The following NTRK3 variants were observed in gnomAD, a reference collection of about 807,000 sequenced individuals.
NTRK3 encodes neurotrophic receptor tyrosine kinase 3.
In NTRK3, 24 loss-of-function variants were observed where a neutral mutation model predicts 91.7. That is an observed-to-expected ratio of 0.26 (90% CI 0.19 to 0.37). The LOEUF (loss-of-function observed/expected upper bound fraction) is 0.37, where lower values mean the gene tolerates loss of function less well. Ranked by LOEUF, NTRK3 falls within the 10% of genes least tolerant of loss-of-function variation. The probability of loss-of-function intolerance (pLI) is 1.00; values close to 1 mark genes in which losing one functional copy is unlikely to be tolerated. For missense variants in NTRK3, 880 were observed against 1,068.9 expected (o/e 0.82, Z 2.46); for synonymous variants, 483 against 404.0 (o/e 1.20, Z -2.34).
rs117823522 is a variant in NTRK3, at chr15:88,190,119, C to T, written c.249-5820G>A. ...GGACTTAGGAACATCCTTCCTTTCT[C>T]GACAGGTAGCAGGCCCAGTATTGCC... On this transcript the variant is annotated intron_variant, in intron 3 of 18. Transcript: ENST00000394480. 2.2e-3 allele frequency among the ~76,000 whole-genome samples: 335 copies of T among 152,216 alleles called. 1 individual carries two copies. The highest frequency in any genetic ancestry group is 4.1e-3 in the Non-Finnish European group (282 of 68,010).
At position 88,096,744 on chromosome 15, in the gene NTRK3, C is replaced by T. The variant is rs2049646540; in HGVS notation, c.1396+29527G>A. ...GTGGAGAGCAACTTTGAGGCAGGTG[C>T]CACCCAGTTTCTCAGACGGTCCCCA... On this transcript the variant is annotated intron_variant, in intron 13 of 18. Coordinates refer to ENST00000394480, the Ensembl canonical transcript of NTRK3. Among the ~76,000 whole-genome samples the T allele has an allele frequency of 5.9e-5, 9 of 152,192 alleles. No individual in the cohort carries two copies. In the South Asian group the frequency reaches 1.5e-3, roughly 25 times the overall value.
exon 2 of NTRK3, chr15:88,256,454 T>A (rs1199392184): frequency 1.9e-5 from 10 of 529,060 alleles, no homozygotes; most frequent in Non-Finnish European, 3.3e-5. Context: ...GTCCGGGGGC[T>A]CTGGAAGCGA....
rs78579155 is a variant in NTRK3 at position 88,195,032 on chromosome 15, G to A, written c.249-10733C>T. ...TAGTGCTCATGCTCAAGTCAGGGGC[G>A]GACTGTGCCCCCCAGGCTTGGGTTG... is the stretch of plus-strand genomic sequence containing the variant. On this transcript the variant is annotated intron_variant, in intron 3 of 18. Coordinates refer to ENST00000394480, the Ensembl canonical transcript of NTRK3. Among the ~76,000 whole-genome samples, 55 of 152,284 alleles carry A rather than the reference G, an allele frequency of 3.6e-4. No individual in the cohort carries two copies. The East Asian group carries it at 6.2e-3, about 17-fold the overall frequency.
At chr15:87,923,957 T>C (rs1406969333) in intron 17 of NTRK3, among the ~76,000 whole-genome samples, 3 of 152,184 alleles carry the variant, frequency 2.0e-5, no homozygotes, top group African/African-American at 7.2e-5. Context: ...GATCTTGAAC[T>C]GCCTAGCCTC....
chr15:88,007,017 C>G (rs571615524), intron 14 of NTRK3, among the ~76,000 whole-genome samples: 12 of 152,216 alleles, frequency 7.9e-5, no homozygotes, highest in Non-Finnish European at 1.6e-4. Context: ...ACTGACACCA[C>G]ATGAGGACAA....
rs2141953490 is a variant in NTRK3, at chr15:87,933,001, T to C, written c.1889+11A>G. On this transcript the variant is annotated intron_variant, in intron 16 of 18. Transcript: ENST00000394480. ...TGGGGTCAGGTGCAGGGGAAGACAA[T>C]CCTTGCTTACCTGAGGAACTTATTC... is the stretch of plus-strand genomic sequence containing the variant. The C allele has an allele frequency of 6.2e-7, 1 of 1,613,856 alleles. No individual in the cohort carries two copies. Among genetic ancestry groups the C allele is most frequent in the Non-Finnish European group, 8.5e-7 (1 of 1,179,980 alleles).
intron 14 of NTRK3, among the ~76,000 whole-genome samples, chr15:87,984,444 C>T (rs577236360): frequency 3.3e-5 from 5 of 152,302 alleles, no homozygotes; most frequent in African/African-American, 7.2e-5. Flanking sequence ...GTGTAGTTAT[C>T]GCTTTTTTGA....
In NTRK3 at chr15:88,255,825, G is replaced by A; in HGVS notation, c.248+81C>T. 1.5e-6 allele frequency: 2 copies of A among 1,294,358 alleles called. No homozygotes were observed. Among genetic ancestry groups the A allele is most frequent in the Non-Finnish European group, 1.0e-6 (1 of 984,504 alleles). The allele number at this position is 1,294,358 out of a possible 1,614,324, so 80.2% of individuals were successfully genotyped here. On this transcript the variant is annotated intron_variant, in intron 3 of 18. Transcript: ENST00000394480. The surrounding 1 kb of genome is among the most constrained non-coding windows in gnomAD (Gnocchi z 4.3). ...CAGCGGCGAGCTGGGGCGGGCGGAG[G>A]GCCGGCTCCCGGCCGCGGGTGGGCA...
chr15:87,908,840 C>T (rs556487713), intron 17 of NTRK3, among the ~76,000 whole-genome samples: 1 of 152,044 alleles, frequency 6.6e-6, no homozygotes, highest in African/African-American at 2.4e-5. Context: ...ATCATGACAC[C>T]ACTCCCAGCA....
intron 3 of NTRK3, among the ~76,000 whole-genome samples, chr15:88,232,510 A>C (rs1001930502): frequency 2.0e-5 from 3 of 152,154 alleles, no homozygotes; most frequent in African/African-American, 7.2e-5. Context: ...TTGATTCAAT[A>C]ATTATATTCC....
In NTRK3 at chr15:88,237,940, G is replaced by T. The variant is rs181025064; in HGVS notation, c.248+17966C>A. On this transcript the variant is annotated intron_variant, in intron 3 of 18. Transcript: ENST00000394480. This position sits in a 1 kb window ranked among gnomAD's most constrained non-coding sequence, Gnocchi z 4.0. ...TTGAAGTCCTAACCCCCAGTACCTC[G>T]GAATGTAACTGTATTTGGAGATAGG... Among the ~76,000 whole-genome samples the T allele has an allele frequency of 6.6e-6, 1 of 152,062 alleles. No homozygotes were observed. The highest frequency in any genetic ancestry group is 2.4e-5 in the African/African-American group (1 of 41,398).
At chr15:88,120,546 T>A (rs926252623) in intron 13 of NTRK3, among the ~76,000 whole-genome samples, 1 of 152,172 alleles carries the variant, frequency 6.6e-6, no homozygotes, top group Non-Finnish European at 1.5e-5. Context: ...GCCTTCCCAC[T>A]TCCGCTGTCC....
intron 14 of NTRK3, among the ~76,000 whole-genome samples, chr15:87,941,696 C>T (rs2069877212): frequency 6.6e-6 from 1 of 152,196 alleles, no homozygotes; most frequent in Non-Finnish European, 1.5e-5. Context: ...AGGGTGTGTG[C>T]AGAGAGAAGG....
chr15:88,059,728 AC>A (rs201278244), intron 13 of NTRK3, among the ~76,000 whole-genome samples: 7 of 151,980 alleles, frequency 4.6e-5, no homozygotes, highest in East Asian at 3.9e-4. Context: ...CTAAATTGTG[AC>A]CCCCCCTAAA....
exon 19 of NTRK3, chr15:87,876,357 C>T (rs1201010000): frequency 4.3e-6 from 1 of 230,046 alleles, no homozygotes; most frequent in Non-Finnish European, 8.6e-6. Flanking sequence ...AGGCAAGGAC[C>T]CTGCTCAGGC....
At chr15:88,038,200 A>G (rs2079238312) in intron 13 of NTRK3, among the ~76,000 whole-genome samples, 1 of 152,192 alleles carries the variant, frequency 6.6e-6, no homozygotes, top group African/African-American at 2.4e-5. Context: ...CAGATAGATT[A>G]CAGATAATTC....
intron 14 of NTRK3, chr15:87,979,551 A>C: frequency 1.2e-6 from 1 of 850,130 alleles, no homozygotes; most frequent in Non-Finnish European, 1.9e-6. Flanking sequence ...CTAGGAGGGG[A>C]AATAGAGAGG....
At chr15:88,125,920 G>C (rs1460486895) in intron 13 of NTRK3, among the ~76,000 whole-genome samples, 1 of 152,152 alleles carries the variant, frequency 6.6e-6, no homozygotes, top group Non-Finnish European at 1.5e-5. Flanking sequence ...CTCAAACTAG[G>C]AGTCCCTTTA....
intron 13 of NTRK3, among the ~76,000 whole-genome samples, chr15:88,041,075 A>G (rs2079556733): frequency 6.6e-6 from 1 of 152,198 alleles, no homozygotes; most frequent in African/African-American, 2.4e-5. Flanking sequence ...ATTTTTCACA[A>G]ACAAAGAGTG....
Sources: allele counts gnomAD v4.1 joint callset (sites outside exome capture counted in the v4.1 genomes callset), GRCh38; gene constraint gnomAD v4.1.1; non-coding constraint Gnocchi (gnomAD v3.1); transcripts MANE v1.5; gene names NCBI Gene and HGNC (gene_info 2026-07-23, HGNC 2026-07-21).